OSBP2: variants seen among roughly 807,000 people sequenced by gnomAD.
OSBP2 encodes the protein oxysterol-binding protein 2.
In OSBP2, 66 loss-of-function variants were observed where a neutral mutation model predicts 96.0. The observed-to-expected ratio is 0.69, with a 90% CI of 0.56 to 0.84. OSBP2 has a LOEUF of 0.84. Ranked by LOEUF, OSBP2 falls within the 40% of genes least tolerant of loss-of-function variation. The pLI is 0.00. For synonymous variants in OSBP2, 525 were observed against 520.9 expected (o/e 1.01, Z -0.11); for missense variants, 1,038 against 1,222.7 (o/e 0.85, Z 2.25).
intron 3 of OSBP2, among the ~76,000 whole-genome samples, chr22:30,879,319 G>C (rs957261451): frequency 2.0e-5 from 3 of 152,244 alleles, no homozygotes; most frequent in African/African-American, 7.2e-5. Flanking sequence ...TCTAAAATCA[G>C]TTGGCAAACT....
intron 2 of OSBP2, among the ~76,000 whole-genome samples, chr22:30,821,709 A>G (rs1275480302): frequency 2.6e-5 from 4 of 152,106 alleles, no homozygotes; most frequent in Non-Finnish European, 5.9e-5. Context: ...AAATTTTTGT[A>G]AGTGAAACTT....
intron 12 of OSBP2, among the ~76,000 whole-genome samples, chr22:30,903,160 A>G (rs1436135255): frequency 2.6e-5 from 4 of 151,478 alleles, no homozygotes; most frequent in Admixed American, 2.6e-4. Flanking sequence ...TTCTCTTTTT[A>G]CTTTAGACAT....
At chr22:30,775,325 C>T (rs552538769) in intron 2 of OSBP2, among the ~76,000 whole-genome samples, 4 of 152,118 alleles carry the variant, frequency 2.6e-5, no homozygotes, top group Admixed American at 1.3e-4. Flanking sequence ...AACACAAAAT[C>T]GACCAGGCGC....
intron 12 of OSBP2, among the ~76,000 whole-genome samples, chr22:30,896,306 C>G (rs1246953798): frequency 1.3e-5 from 2 of 152,066 alleles, no homozygotes; most frequent in Non-Finnish European, 2.9e-5. Context: ...AGGTGTGAGC[C>G]ACCACACCCA....
chr22:30,777,048 TA>T (rs2090447550), intron 2 of OSBP2, among the ~76,000 whole-genome samples: 2 of 152,224 alleles, frequency 1.3e-5, no homozygotes, highest in South Asian at 4.1e-4. Context: ...ATCTAGGAAG[TA>T]ACTAATTTGC....
chr22:30,860,167 A>C (rs1234584252), intron 2 of OSBP2, among the ~76,000 whole-genome samples: 1 of 152,150 alleles, frequency 6.6e-6, no homozygotes. Context: ...AAAATAAAAA[A>C]AAATACCAAT....
chr22:30,856,560 T>G (rs2039083765), intron 2 of OSBP2, among the ~76,000 whole-genome samples: 1 of 151,744 alleles, frequency 6.6e-6, no homozygotes, highest in African/African-American at 2.4e-5. Context: ...CTAATTTTTG[T>G]ATTTTTAGTA....
chr22:30,745,666 CAAAAAAAA>C (rs71328868), intron 2 of OSBP2, among the ~76,000 whole-genome samples: 71 of 58,660 alleles, frequency 1.2e-3, no homozygotes, highest in African/African-American at 4.3e-3. Flanking sequence ...GACTCTGTCT[CAAAAAAAA>C]AAAAAAAAAA....
chr22:30,861,885 G>A (rs1018613498), intron 2 of OSBP2, among the ~76,000 whole-genome samples: 3 of 152,120 alleles, frequency 2.0e-5, no homozygotes, highest in Admixed American at 2.0e-4. Flanking sequence ...GCGCTGGCCC[G>A]TTCCACCTCT....
chr22:30,881,812 T>C lies in OSBP2; in HGVS notation c.1108-5614T>C. The stretch of plus-strand genomic sequence containing the variant: ...CAGGGATGGACACCAGGTGGGTGCA[T>C]CCGGGCTGGGGGAGGTGGACGGGCT... On this transcript the variant is annotated intron_variant, in intron 3 of 13. Coordinates refer to ENST00000332585, the MANE Select transcript of OSBP2 (RefSeq NM_030758.4). This position sits in a 1 kb window ranked among gnomAD's most constrained non-coding sequence, Gnocchi z 4.5. 7.7e-7 allele frequency: 1 copy of C among 1,303,920 alleles called. No homozygotes were observed. Among genetic ancestry groups the C allele is most frequent in the African/African-American group, 1.5e-5 (1 of 65,932 alleles). The allele number at this position is 1,303,920 out of a possible 1,614,324, so 80.8% of individuals were successfully genotyped here.
Position 30,881,675 on chromosome 22 carries a change from C to A in OSBP2, c.1108-5751C>A. On this transcript the variant is annotated intron_variant, in intron 3 of 13. Transcript: ENST00000332585. This position sits in a 1 kb window ranked among gnomAD's most constrained non-coding sequence, Gnocchi z 4.5. ...CTTATCAAGCACACAGCACACAGCC[C>A]AGCTCAGCATTCTGAGAACAGCAGG... The A allele has an allele frequency of 7.7e-7, 1 of 1,304,122 alleles. No individual in the cohort carries two copies. The highest frequency in any genetic ancestry group is 1.0e-6 in the Non-Finnish European group (1 of 988,906). 80.8% of individuals were successfully genotyped at this position (1,304,122 alleles called of 1,614,324 possible).
At chr22:30,813,452 G>A (rs1441940240) in intron 2 of OSBP2, among the ~76,000 whole-genome samples, 1 of 151,986 alleles carries the variant, frequency 6.6e-6, no homozygotes, top group African/African-American at 2.4e-5. Context: ...GGGATTATAG[G>A]CGTGAGCCAC....
chr22:30,800,329 G>C (rs1453312760), intron 2 of OSBP2, among the ~76,000 whole-genome samples: 1 of 152,144 alleles, frequency 6.6e-6, no homozygotes, highest in Non-Finnish European at 1.5e-5. Flanking sequence ...GGAGGGCTGG[G>C]TCCAGGCCTC....
At chr22:30,759,129 C>T (rs1462377068) in intron 2 of OSBP2, among the ~76,000 whole-genome samples, 1 of 152,152 alleles carries the variant, frequency 6.6e-6, no homozygotes, top group Non-Finnish European at 1.5e-5. Flanking sequence ...AGGTGGATCA[C>T]TTGAGGCCAG....
In OSBP2 at chr22:30,881,728, C is replaced by T. The variant is rs2039708574; in HGVS notation, c.1108-5698C>T. 7.7e-7 allele frequency: 1 copy of T among 1,304,124 alleles called. No homozygotes were observed. Among genetic ancestry groups the T allele is most frequent in the Non-Finnish European group, 1.0e-6 (1 of 988,888 alleles). 80.8% of individuals were successfully genotyped at this position (1,304,124 alleles called of 1,614,324 possible). ...CACGCCAGGCGCCTGCCTCTCCCCACAGCACAGCCAGGATGGGGCCTGGAG... is the reference window on the plus strand; with the variant it reads ...CACGCCAGGCGCCTGCCTCTCCCCATAGCACAGCCAGGATGGGGCCTGGAG... On this transcript the variant is annotated intron_variant, in intron 3 of 13. Coordinates refer to ENST00000332585, the MANE Select transcript of OSBP2 (RefSeq NM_030758.4). The surrounding 1 kb of genome is among the most constrained non-coding windows in gnomAD (Gnocchi z 4.5).
chr22:30,859,526 C>T (rs913782279), intron 2 of OSBP2, among the ~76,000 whole-genome samples: 6 of 152,206 alleles, frequency 3.9e-5, no homozygotes, highest in African/African-American at 9.6e-5. Context: ...GTGGCGAGCC[C>T]GTTGGTAGGG....
At chr22:30,902,046 T>C (rs1019042629) in intron 12 of OSBP2, among the ~76,000 whole-genome samples, 3 of 147,338 alleles carry the variant, frequency 2.0e-5, no homozygotes, top group Non-Finnish European at 4.5e-5. Context: ...TGAAGGAATA[T>C]ATACAGTAGC....
intron 2 of OSBP2, among the ~76,000 whole-genome samples, chr22:30,758,818 G>A (rs895402904): frequency 2.0e-5 from 3 of 152,052 alleles, no homozygotes; most frequent in African/African-American, 7.2e-5. Flanking sequence ...GTGGGAAGTG[G>A]GCAGCCAGAG....
At chr22:30,760,740 C>G (rs1402276518) in intron 2 of OSBP2, among the ~76,000 whole-genome samples, 1 of 152,022 alleles carries the variant, frequency 6.6e-6, no homozygotes, top group African/African-American at 2.4e-5. Context: ...CGCTTGAACC[C>G]TGGCAGGGCG....
Sources: gnomAD v4.1 joint callset for allele counts (sites outside exome capture counted in the v4.1 genomes callset) on GRCh38, gnomAD v4.1.1 for gene constraint, Gnocchi (gnomAD v3.1) non-coding constraint, MANE v1.5 for transcripts, NCBI Gene and HGNC (gene_info 2026-07-23, HGNC 2026-07-21) for gene names.